QKI: variants seen among roughly 807,000 people sequenced by gnomAD.
QKI encodes the protein KH domain-containing RNA-binding protein QKI.
In QKI, 10 loss-of-function variants were observed where a neutral mutation model predicts 39.0. The ratio of observed to expected loss-of-function variants is 0.26; its 90% CI spans 0.16 to 0.43. QKI has a LOEUF of 0.43. QKI is among the 20% of genes least tolerant of loss of function. The pLI, the probability that QKI is intolerant of heterozygous loss-of-function variation, is 1.00. For missense variants in QKI, 218 were observed against 428.0 expected, an observed-to-expected ratio of 0.51 and a Z score of 4.33; for synonymous variants, 204 against 155.4, an observed-to-expected ratio of 1.31 and a Z score of -2.33.
chr6:163,518,832 A>G (rs982169672), intron 3 of QKI, among the ~76,000 whole-genome samples: 2 of 152,168 alleles, frequency 1.3e-5, no homozygotes, highest in Admixed American at 6.5e-5. Flanking sequence ...AACTAACTCA[A>G]TTTATAGATT....
At chr6:163,479,145 T>C (rs1649344579) in intron 3 of QKI, among the ~76,000 whole-genome samples, 1 of 151,730 alleles carries the variant, frequency 6.6e-6, no homozygotes, top group Non-Finnish European at 1.5e-5. Context: ...AAAAATTAGC[T>C]GGGCGTGGTG....
At chr6:163,449,465 T>TA (rs1790388896) in intron 1 of QKI, among the ~76,000 whole-genome samples, 1 of 152,188 alleles carries the variant, frequency 6.6e-6, no homozygotes, top group Admixed American at 6.5e-5. Context: ...TGAAAAAATA[T>TA]ATATGTCTAT....
intron 4 of QKI, among the ~76,000 whole-genome samples, chr6:163,544,538 C>T (rs771972696): frequency 7.9e-5 from 12 of 151,976 alleles, no homozygotes; most frequent in Non-Finnish European, 1.5e-4. Context: ...TTACACTTTG[C>T]GTGCCCTCAC....
chr6:163,449,852 T>C (rs932345591), intron 1 of QKI, among the ~76,000 whole-genome samples: 2 of 152,154 alleles, frequency 1.3e-5, no homozygotes, highest in Non-Finnish European at 2.9e-5. Context: ...TGCTCAATGC[T>C]GTAATTTAGA....
chr6:163,522,641 A>C (rs534534826), intron 3 of QKI, among the ~76,000 whole-genome samples: 1 of 152,276 alleles, frequency 6.6e-6, no homozygotes, highest in East Asian at 1.9e-4. Context: ...GTACTGGATA[A>C]GTGTTTAGCA....
chr6:163,538,012 A>G (rs1781303571), intron 4 of QKI, among the ~76,000 whole-genome samples: 1 of 138,542 alleles, frequency 7.2e-6, no homozygotes, highest in South Asian at 2.7e-4. Context: ...TGCTATACCT[A>G]AAGCACACAG....
intron 3 of QKI, among the ~76,000 whole-genome samples, chr6:163,498,562 G>A (rs762825318): frequency 1.3e-5 from 2 of 150,956 alleles, no homozygotes; most frequent in Non-Finnish European, 3.0e-5. Flanking sequence ...TCACTTTCAG[G>A]CCCCTCCCTT....
chr6:163,492,406 G>A (rs1778113853), intron 3 of QKI, among the ~76,000 whole-genome samples: 1 of 152,104 alleles, frequency 6.6e-6, no homozygotes, highest in East Asian at 1.9e-4. Context: ...ATCACAGGTT[G>A]TTATAGGACA....
intron 3 of QKI, among the ~76,000 whole-genome samples, chr6:163,516,741 A>G (rs11962244): frequency 3.3e-4 from 50 of 152,308 alleles, no homozygotes; most frequent in African/African-American, 1.2e-3. Context: ...ATTAAATAAA[A>G]TATGTTTTCA....
At chr6:163,527,145 T>C (rs562308568) in intron 3 of QKI, among the ~76,000 whole-genome samples, 3 of 152,328 alleles carry the variant, frequency 2.0e-5, no homozygotes, top group South Asian at 2.1e-4. Flanking sequence ...CTTCATACTT[T>C]ATTAGAAAAT....
chr6:163,557,242 A>T (rs901615015), intron 4 of QKI, among the ~76,000 whole-genome samples: 2 of 152,232 alleles, frequency 1.3e-5, no homozygotes, highest in Non-Finnish European at 2.9e-5. Flanking sequence ...TTATCCGAAA[A>T]TCTAGTCTAG....
chr6:163,474,475 T>C (rs922549825), intron 2 of QKI, among the ~76,000 whole-genome samples: 1 of 151,856 alleles, frequency 6.6e-6, no homozygotes, highest in African/African-American at 2.4e-5. Flanking sequence ...GTAAGGTTGA[T>C]AGAAAAAAAC....
At chr6:163,499,391 A>G (rs752356183) in intron 3 of QKI, among the ~76,000 whole-genome samples, 37 of 152,326 alleles carry the variant, frequency 2.4e-4, no homozygotes, top group Middle Eastern at 3.4e-3. Flanking sequence ...GAAGATAGTC[A>G]TTGACTCATC....
chr6:163,457,388 T>A (rs758479956), intron 2 of QKI: 27 of 455,936 alleles, frequency 5.9e-5, no homozygotes, highest in African/African-American at 8.0e-5. Context: ...CAGTTGTGAC[T>A]TCTTGCCACG....
At chr6:163,555,612 G>A (rs1782540920) in intron 4 of QKI, among the ~76,000 whole-genome samples, 1 of 74,224 alleles carries the variant, frequency 1.3e-5, no homozygotes, top group African/African-American at 5.5e-5. Context: ...ACTTGGAGAG[G>A]AAAGTACCAG....
intron 1 of QKI, among the ~76,000 whole-genome samples, chr6:163,442,875 A>G (rs1263917421): frequency 2.0e-5 from 3 of 152,198 alleles, no homozygotes; most frequent in Non-Finnish European, 4.4e-5. Flanking sequence ...TTAGCTTCTA[A>G]TCAGTTATAC....
intron 4 of QKI, among the ~76,000 whole-genome samples, chr6:163,560,053 G>A (rs543878100): frequency 2.0e-5 from 3 of 152,128 alleles, no homozygotes; most frequent in Admixed American, 1.3e-4. Flanking sequence ...AGTTTATGTT[G>A]GACTGAGACA....
At chr6:163,434,904 A>G (rs548157494) in intron 1 of QKI, among the ~76,000 whole-genome samples, 3 of 152,188 alleles carry the variant, frequency 2.0e-5, no homozygotes, top group South Asian at 2.1e-4. Context: ...AAAGTCAGGT[A>G]GAAGTTTAAT....
intron 4 of QKI, among the ~76,000 whole-genome samples, chr6:163,559,491 C>T (rs966908346): frequency 3.9e-5 from 6 of 152,076 alleles, no homozygotes; most frequent in Non-Finnish European, 7.4e-5. Flanking sequence ...TAGTAGCTTA[C>T]TTATTTCGTT....
Sources: gnomAD v4.1 joint callset for allele counts (sites outside exome capture counted in the v4.1 genomes callset) on GRCh38, gnomAD v4.1.1 for gene constraint, MANE v1.5 for transcripts, NCBI Gene and HGNC (gene_info 2026-07-23, HGNC 2026-07-21) for gene names.